Variants in SFMBT2 observed in about 807,000 individuals in gnomAD.
The protein encoded by SFMBT2 is Scm like with four mbt domains 2.
In SFMBT2, 38 loss-of-function variants were observed where a neutral mutation model predicts 110.1. The ratio of observed to expected loss-of-function variants is 0.35; its 90% CI spans 0.27 to 0.45. The LOEUF (loss-of-function observed/expected upper bound fraction) is 0.45. Ranked by LOEUF, SFMBT2 falls within the 20% of genes least tolerant of loss-of-function variation. The pLI, the probability that SFMBT2 is intolerant of heterozygous loss-of-function variation, is 1.00. For missense variants in SFMBT2, 1,011 were observed against 1,094.9 expected, an observed-to-expected ratio of 0.92 and a Z score of 1.08; for synonymous variants, 425 against 425.4, an observed-to-expected ratio of 1.00 and a Z score of 0.01.
intron 1 of SFMBT2, among the ~76,000 whole-genome samples, chr10:7,407,089 T>C (rs1846237575): frequency 1.3e-5 from 2 of 152,072 alleles, no homozygotes; most frequent in African/African-American, 4.8e-5. Flanking sequence ...ACGGTATTTA[T>C]TTATGGAAGG....
intron 7 of SFMBT2, among the ~76,000 whole-genome samples, chr10:7,268,239 A>G (rs962475760): frequency 9.2e-5 from 14 of 152,232 alleles, no homozygotes; most frequent in Admixed American, 7.2e-4. Flanking sequence ...GTCTCTTAGT[A>G]TACACTCAGT....
Position 7,381,874 on chromosome 10 carries a change from T to G in SFMBT2, c.25A>C (p.Asn9His). The G allele has an allele frequency of 6.2e-7, 1 of 1,611,364 alleles. No individual in the cohort carries two copies. Among genetic ancestry groups the G allele is most frequent in the Non-Finnish European group, 8.5e-7 (1 of 1,178,222 alleles). Reference protein sequence around the residue: MESTLSASNMQDPSSSPLE... With the variant: MESTLSASHMQDPSSSPLE... ...GGTGAAGATGAAGGGTCTTGCATATTGGAAGCTGACAAAGTGCTCTCCATG... is the reference window on the plus strand; with the variant it reads ...GGTGAAGATGAAGGGTCTTGCATATGGGAAGCTGACAAAGTGCTCTCCATG... Residue 9 changes from asparagine (N) to histidine (H), a missense_variant, in exon 2 of 21, where the codon AAT (asparagine) becomes CAT (histidine). Transcript: ENST00000397167.
intron 4 of SFMBT2, among the ~76,000 whole-genome samples, chr10:7,355,948 A>C (rs1407195225): frequency 6.6e-6 from 1 of 152,252 alleles, no homozygotes; most frequent in South Asian, 2.1e-4. Flanking sequence ...AAAATTTATT[A>C]TATTTGTGCT....
chr10:7,228,391 CAA>C (rs1839964389), intron 9 of SFMBT2: 2 of 495,386 alleles, frequency 4.0e-6, no homozygotes, highest in Non-Finnish European at 4.8e-6. Flanking sequence ...AAAAAAAAAA[CAA>C]AACAGTACCA....
intron 11 of SFMBT2, among the ~76,000 whole-genome samples, chr10:7,207,768 G>A (rs1839200637): frequency 6.6e-6 from 1 of 152,212 alleles, no homozygotes. Context: ...TGAAGATGGA[G>A]TATTTTACTT....
chr10:7,222,797 G>A (rs921656579), intron 10 of SFMBT2, among the ~76,000 whole-genome samples: 1 of 152,040 alleles, frequency 6.6e-6, no homozygotes, highest in Non-Finnish European at 1.5e-5. Context: ...AGCATCCTGA[G>A]TAGCTGGGAC....
At chr10:7,167,573 C>T (rs1837729948) in intron 20 of SFMBT2, among the ~76,000 whole-genome samples, 1 of 152,188 alleles carries the variant, frequency 6.6e-6, no homozygotes, top group Admixed American at 6.5e-5. Flanking sequence ...CACCTGTAAT[C>T]TCAGACAATG....
At chr10:7,401,648 T>C (rs1846086252) in intron 1 of SFMBT2, among the ~76,000 whole-genome samples, 1 of 152,162 alleles carries the variant, frequency 6.6e-6, no homozygotes, top group African/African-American at 2.4e-5. Flanking sequence ...CACAGGGTGA[T>C]GGGCTCAGGA....
intron 11 of SFMBT2, chr10:7,207,708 T>C: frequency 1.5e-6 from 1 of 654,174 alleles, no homozygotes; most frequent in Non-Finnish European, 1.9e-6. Flanking sequence ...TGGTCCTAAA[T>C]CTGGTGCGAG....
intron 1 of SFMBT2, among the ~76,000 whole-genome samples, chr10:7,406,397 T>C (rs1378469000): frequency 6.6e-6 from 1 of 151,854 alleles, no homozygotes; most frequent in Non-Finnish European, 1.5e-5. Context: ...ATTTTCTTAC[T>C]GCTCAAAGCA....
intron 16 of SFMBT2, 51 bp from the exon 17 acceptor site, chr10:7,176,216 A>G: frequency 1.5e-5 from 24 of 1,579,446 alleles, no homozygotes; most frequent in Non-Finnish European, 1.7e-5. Flanking sequence ...ATTATGATTC[A>G]GGCCTATTCT....
At position 7,171,568 on chromosome 10, in the gene SFMBT2, G is replaced by A. The variant is rs1837872499; in HGVS notation, c.2415+327C>T. On this transcript the variant is annotated intron_variant, in intron 19 of 20. Coordinates refer to ENST00000397167, the MANE Select transcript of SFMBT2 (RefSeq NM_001387889.1). The surrounding 1 kb of genome is among the most constrained non-coding windows in gnomAD (Gnocchi z 4.9). ...TGGGAGCAAGACACAGCGCAGTCAG[G>A]GGAGATGCGGGGAAGGAATTTCTGG... 1.0e-6 allele frequency: 1 copy of A among 985,372 alleles called. No individual in the cohort carries two copies. Among genetic ancestry groups the A allele is most frequent in the Non-Finnish European group, 1.2e-6 (1 of 829,888 alleles). The allele number at this position is 985,372 out of a possible 1,614,324, so 61.0% of individuals were successfully genotyped here.
intron 15 of SFMBT2, among the ~76,000 whole-genome samples, chr10:7,194,086 C>T (rs1302709274): frequency 1.3e-5 from 2 of 152,172 alleles, no homozygotes; most frequent in African/African-American, 4.8e-5. Flanking sequence ...CTGTAAAAGG[C>T]CCAGCATGTG....
At chr10:7,182,155 A>T (rs1296530902) in intron 16 of SFMBT2, among the ~76,000 whole-genome samples, 3 of 152,128 alleles carry the variant, frequency 2.0e-5, no homozygotes, top group Admixed American at 6.5e-5. Context: ...CTCCTGCCTC[A>T]GCCTCCAGAG....
intron 11 of SFMBT2, among the ~76,000 whole-genome samples, chr10:7,211,917 C>T (rs1033992407): frequency 2.0e-5 from 3 of 152,170 alleles, no homozygotes; most frequent in Admixed American, 6.5e-5. Context: ...CTCTGAACCA[C>T]ACCATTGTTC....
chr10:7,280,164 C>T (rs1394036621), intron 6 of SFMBT2, among the ~76,000 whole-genome samples: 1 of 152,132 alleles, frequency 6.6e-6, no homozygotes, highest in Non-Finnish European at 1.5e-5. Flanking sequence ...CTCCTGGGAC[C>T]TCAACTACAC....
At chr10:7,269,625 C>T (rs141394711) in intron 7 of SFMBT2, among the ~76,000 whole-genome samples, 157 of 151,574 alleles carry the variant, frequency 1.0e-3, no homozygotes, top group Admixed American at 3.1e-3. Context: ...TTCCTTTTAC[C>T]GTAATGAAAG....
At chr10:7,206,242 C>T (rs371591963) in intron 11 of SFMBT2, 70 of 985,366 alleles carry the variant, frequency 7.1e-5, no homozygotes, top group East Asian at 4.5e-4. Context: ...AGATTGGCAT[C>T]GGAGCAGGAT....
chr10:7,248,175 G>T (rs1238662392), intron 8 of SFMBT2, among the ~76,000 whole-genome samples: 6 of 152,214 alleles, frequency 3.9e-5, no homozygotes, highest in African/African-American at 1.4e-4. Context: ...AGGGAGATGA[G>T]AATTTGCTTT....
Sources: gnomAD v4.1 joint callset for allele counts (sites outside exome capture counted in the v4.1 genomes callset) on GRCh38, gnomAD v4.1.1 for gene constraint, Gnocchi (gnomAD v3.1) non-coding constraint, MANE v1.5 for transcripts, NCBI Gene and HGNC (gene_info 2026-07-23, HGNC 2026-07-21) for gene names.